Variants in CLDN10 observed in about 807,000 individuals in gnomAD.
CLDN10 encodes claudin-10.
Under a neutral mutation model 22.9 loss-of-function variants are expected in CLDN10, and 15 were observed. That is an observed-to-expected ratio of 0.65 (90% CI 0.44 to 1.01). CLDN10 has a LOEUF of 1.01. Ranked by LOEUF, CLDN10 falls within the 50% of genes least tolerant of loss-of-function variation. CLDN10 has a pLI of 0.00. For missense variants in CLDN10, 247 were observed against 287.8 expected, an observed-to-expected ratio of 0.86 and a Z score of 1.03; for synonymous variants, 114 against 111.4, an observed-to-expected ratio of 1.02 and a Z score of -0.15.
intron 3 of CLDN10, among the ~76,000 whole-genome samples, chr13:95,561,247 A>ATTTT (rs1244488989): frequency 1.3e-5 from 2 of 152,172 alleles, no homozygotes; most frequent in African/African-American, 4.8e-5. Flanking sequence ...TGAGGCTGGT[A>ATTTT]ATTTTATTTT....
chr13:95,493,958 T>C (rs1356617526), intron 1 of CLDN10, among the ~76,000 whole-genome samples: 2 of 152,244 alleles, frequency 1.3e-5, no homozygotes, highest in Non-Finnish European at 2.9e-5. Flanking sequence ...TTTTAAATCA[T>C]GTTACACATA....
chr13:95,571,309 G>A (rs2043856735), intron 3 of CLDN10, among the ~76,000 whole-genome samples: 1 of 151,994 alleles, frequency 6.6e-6, no homozygotes, highest in Non-Finnish European at 1.5e-5. Flanking sequence ...TTTTTGTTTA[G>A]GTACCCCCTC....
intron 1 of CLDN10, among the ~76,000 whole-genome samples, chr13:95,520,481 C>T (rs2043212994): frequency 6.6e-6 from 1 of 152,174 alleles, no homozygotes. Context: ...TCAAGCAATC[C>T]TCCTGCCTCA....
At position 95,577,328 on chromosome 13, in the gene CLDN10, A is replaced by G. The variant is rs1342955301; in HGVS notation, c.562A>G (p.Lys188Glu). 3 of 1,608,784 alleles carry G rather than the reference A, an allele frequency of 1.9e-6. No individual in the cohort carries two copies. The African/African-American group carries it at 4.0e-5, about 22-fold the overall frequency. The part of the protein sequence containing the change: ...IFCFSISDNN[K>E]TPRYTYNGAT... ...TTGCTTTTCAATATCTGACAACAAC[A>G]AAACACCCAGGTATGAAAAAGAGAC... Residue 188 changes from lysine to glutamate, a missense_variant, in exon 4 of 5, where the codon AAA becomes GAA. By Grantham distance (56) the Lys-to-Glu change is moderately conservative. Transcript: ENST00000299339.
At chr13:95,523,280 C>T (rs975631145) in intron 1 of CLDN10, among the ~76,000 whole-genome samples, 4 of 152,140 alleles carry the variant, frequency 2.6e-5, no homozygotes, top group Non-Finnish European at 5.9e-5. Flanking sequence ...ATCACTCTCA[C>T]TCTGAACCAA....
chr13:95,500,817 G>C (rs766332434), intron 1 of CLDN10, among the ~76,000 whole-genome samples: 4 of 152,034 alleles, frequency 2.6e-5, no homozygotes, highest in Non-Finnish European at 5.9e-5. Flanking sequence ...AATTAGAGAA[G>C]TGACCTCATT....
intron 3 of CLDN10, among the ~76,000 whole-genome samples, chr13:95,561,672 C>T (rs1010554566): frequency 6.6e-6 from 1 of 151,826 alleles, no homozygotes; most frequent in African/African-American, 2.4e-5. Context: ...AGAACACTGG[C>T]TCTTAAAAAG....
intron 1 of CLDN10, among the ~76,000 whole-genome samples, chr13:95,486,840 C>CAGTG: frequency 6.6e-6 from 1 of 152,216 alleles, no homozygotes; most frequent in Admixed American, 6.5e-5. Flanking sequence ...TACACTCTCC[C>CAGTG]TTTACCGCCT....
chr13:95,511,499 T>C (rs145629244), intron 1 of CLDN10, among the ~76,000 whole-genome samples: 2 of 152,204 alleles, frequency 1.3e-5, no homozygotes, highest in East Asian at 3.9e-4. Flanking sequence ...AGTGTTTCTT[T>C]GTGAAAGAGT....
At chr13:95,474,819 G>T (rs2042669380) in intron 1 of CLDN10, among the ~76,000 whole-genome samples, 1 of 152,106 alleles carries the variant, frequency 6.6e-6, no homozygotes, top group Admixed American at 6.5e-5. Flanking sequence ...ATTCCAGGGG[G>T]TAGGGTGGAG....
At chr13:95,559,062 T>G (rs752594338) in intron 1 of CLDN10, among the ~76,000 whole-genome samples, 1 of 152,180 alleles carries the variant, frequency 6.6e-6, no homozygotes, top group Non-Finnish European at 1.5e-5. Flanking sequence ...TTATCATATA[T>G]TGACACATAA....
At chr13:95,438,855 T>C (rs2042296786) in intron 1 of CLDN10, among the ~76,000 whole-genome samples, 1 of 151,906 alleles carries the variant, frequency 6.6e-6, no homozygotes, top group South Asian at 2.1e-4. Context: ...GGCGGGTCCC[T>C]GTAGTCCCCG....
intron 1 of CLDN10, among the ~76,000 whole-genome samples, chr13:95,476,359 C>T (rs1266045771): frequency 2.0e-5 from 3 of 152,114 alleles, no homozygotes; most frequent in African/African-American, 7.2e-5. Flanking sequence ...ATTTGGTGTC[C>T]GGTGAGGGCT....
chr13:95,506,673 G>A (rs2043042142), intron 1 of CLDN10, among the ~76,000 whole-genome samples: 2 of 152,298 alleles, frequency 1.3e-5, no homozygotes, highest in Middle Eastern at 3.4e-3. Context: ...GTATGGTTTG[G>A]TCTCTCCATC....
intron 1 of CLDN10, among the ~76,000 whole-genome samples, chr13:95,493,575 T>C (rs1424921686): frequency 2.4e-5 from 3 of 127,024 alleles, no homozygotes; most frequent in Admixed American, 8.6e-5. Context: ...TTTTTTTTTT[T>C]TGAGACACAG....
chr13:95,511,284 C>A (rs2043095062), intron 1 of CLDN10, among the ~76,000 whole-genome samples: 1 of 151,924 alleles, frequency 6.6e-6, no homozygotes, highest in Non-Finnish European at 1.5e-5. Flanking sequence ...GTGGGATTTT[C>A]TTTAGGTGAA....
At chr13:95,459,830 A>G (rs998210152) in intron 1 of CLDN10, among the ~76,000 whole-genome samples, 1 of 152,146 alleles carries the variant, frequency 6.6e-6, no homozygotes, top group Non-Finnish European at 1.5e-5. Flanking sequence ...TTTATATTGC[A>G]TTGTCAGGCT....
chr13:95,578,877 C>G lies in CLDN10; in HGVS notation c.*863C>G, dbSNP rs918596835. 1 of 152,066 alleles carries G rather than the reference C, an allele frequency of 6.6e-6. No individual in the cohort carries two copies. Among genetic ancestry groups the G allele is most frequent in the Admixed American group, 6.6e-5 (1 of 15,258 alleles). 9.4% of individuals were successfully genotyped at this position (152,066 alleles called of 1,614,324 possible). The stretch of plus-strand genomic sequence containing the variant: ...CTGCTCCAGGAAGGGCTAATGGGGC[C>G]AATATATTATTGCCTGTCATGTGGC... On this transcript the variant is annotated 3_prime_UTR_variant, in exon 5 of 5. Transcript: ENST00000299339.
chr13:95,502,702 G>A (rs2042998101), intron 1 of CLDN10, among the ~76,000 whole-genome samples: 1 of 152,036 alleles, frequency 6.6e-6, no homozygotes, highest in South Asian at 2.1e-4. Context: ...GTATTTTTTA[G>A]TACAGACAGG....
Sources: gnomAD v4.1 joint callset for allele counts (sites outside exome capture counted in the v4.1 genomes callset) on GRCh38, gnomAD v4.1.1 for gene constraint, MANE v1.5 for transcripts, NCBI Gene and HGNC (gene_info 2026-07-23, HGNC 2026-07-21) for gene names.